ENDOV: variants seen among roughly 807,000 people sequenced by gnomAD.
The protein encoded by ENDOV is hEndoV.
In ENDOV, 37 loss-of-function variants were observed where a neutral mutation model predicts 39.4. The ratio of observed to expected loss-of-function variants is 0.94; its 90% CI spans 0.72 to 1.23. The LOEUF (loss-of-function observed/expected upper bound fraction) is 1.23, where lower values mean the gene tolerates loss of function less well. Ranked by LOEUF, ENDOV falls within the 50% of genes most tolerant of loss-of-function variation. ENDOV has a pLI of 0.00. For synonymous variants in ENDOV, 186 were observed against 163.4 expected (o/e 1.14, Z -1.05); for missense variants, 441 against 375.7 (o/e 1.17, Z -1.44).
Position 80,437,752 on chromosome 17 carries a change from A to G in ENDOV, c.*1609A>G, listed in dbSNP as rs952279518. The stretch of plus-strand genomic sequence containing the variant: ...CGGCCCCGCGTCTGTTGCCTGAGTC[A>G]CTGTATTCCTTAAAAGGTGAAGGAC... On this transcript the variant is annotated 3_prime_UTR_variant, in exon 10 of 10. Coordinates refer to ENST00000518137, the MANE Select transcript of ENDOV (RefSeq NM_173627.5). 2 of 152,198 alleles carry G rather than the reference A, an allele frequency of 1.3e-5. No homozygotes were observed. The highest frequency in any genetic ancestry group is 4.8e-5 in the African/African-American group (2 of 41,428). 9.4% of individuals were successfully genotyped at this position (152,198 alleles called of 1,614,324 possible).
chr17:80,433,132 G>A lies in ENDOV; in HGVS notation c.839-3001G>A, dbSNP rs747888616. The A allele has an allele frequency of 7.5e-5, 39 of 520,128 alleles. 1 individual carries two copies. The highest frequency in any genetic ancestry group is 6.0e-4 in the East Asian group (11 of 18,364). 32.2% of individuals were successfully genotyped at this position (520,128 alleles called of 1,614,324 possible). A position where few individuals can be genotyped will look rare whatever the true frequency, so the allele number is the denominator to read the frequency against. On this transcript the variant is annotated intron_variant, in intron 9 of 9. Coordinates refer to ENST00000518137, the MANE Select transcript of ENDOV (RefSeq NM_173627.5). ...AGAGCTCCGGGAGCACAGGTGGCAG[G>A]GAATTAGAGGCATTAGAAGCACAGT...
At chr17:80,424,134 G>C (rs1175584047) in intron 5 of ENDOV, 2 of 398,712 alleles carry the variant, frequency 5.0e-6, no homozygotes, top group African/African-American at 4.1e-5. Context: ...GTTGGCACTG[G>C]GAGTGAGACA....
Position 80,415,298 on chromosome 17 carries a change from G to A in ENDOV, c.56+48G>A, listed in dbSNP as rs749632578. 78 of 1,599,374 alleles carry A rather than the reference G, an allele frequency of 4.9e-5. No individual in the cohort carries two copies. In the Middle Eastern group the frequency reaches 4.4e-3, roughly 91 times the overall value. On this transcript the variant is annotated intron_variant, in intron 1 of 9. Transcript: ENST00000518137. ...AGGAGGCGGGGGCCGAGGCCGGGCG[G>A]CCCTTCGCGGACCCTCCGAGCTCAT...
Position 80,436,680 on chromosome 17 carries a change from T to C in ENDOV, c.*537T>C, listed in dbSNP as rs2083605825. On this transcript the variant is annotated 3_prime_UTR_variant, in exon 10 of 10. Coordinates refer to ENST00000518137, the MANE Select transcript of ENDOV (RefSeq NM_173627.5). ...TGATTTGCTTGTATTTTGGTGCGGA[T>C]TTTTACATCTGTATTTATAAGGGAT... 5.2e-6 allele frequency: 1 copy of C among 191,688 alleles called. No homozygotes were observed. The highest frequency in any genetic ancestry group is 1.1e-5 in the Non-Finnish European group (1 of 93,480). The allele number at this position is 191,688 out of a possible 1,614,324, so 11.9% of individuals were successfully genotyped here. A position where few individuals can be genotyped will look rare whatever the true frequency, so the allele number is the denominator to read the frequency against.
chr17:80,434,967 T>A (rs997970620), intron 9 of ENDOV, among the ~76,000 whole-genome samples: 1 of 152,188 alleles, frequency 6.6e-6, no homozygotes, highest in Non-Finnish European at 1.5e-5. Flanking sequence ...TATTTCATTG[T>A]GCATTTGATT....
At chr17:80,415,388 G>T in intron 1 of ENDOV, 138 bp downstream of exon 1, 1 of 1,163,038 alleles carries the variant, frequency 8.6e-7, no homozygotes, top group Non-Finnish European at 1.2e-6. Context: ...CCAGTTTCCG[G>T]CGCGGAAGCG....
intron 9 of ENDOV, among the ~76,000 whole-genome samples, chr17:80,432,349 G>T (rs2083381319): frequency 6.6e-6 from 1 of 152,108 alleles, no homozygotes; most frequent in Admixed American, 6.5e-5. Context: ...TGCCCACCTA[G>T]CATCTTTGGC....
In ENDOV at chr17:80,436,407, G is replaced by C. The variant is rs1367801186; in HGVS notation, c.*264G>C. ...CCACTAGATGTGATGTGAGCTGTTAGATTTTCAAGGATGCTCTTCATCCAG... is the reference window on the plus strand; with the variant it reads ...CCACTAGATGTGATGTGAGCTGTTACATTTTCAAGGATGCTCTTCATCCAG... On this transcript the variant is annotated 3_prime_UTR_variant, in exon 10 of 10. Coordinates refer to ENST00000518137, the MANE Select transcript of ENDOV (RefSeq NM_173627.5). The C allele has an allele frequency of 2.2e-6, 3 of 1,368,690 alleles. No homozygotes were observed. In the African/African-American group the frequency reaches 4.3e-5, roughly 20 times the overall value. The allele number at this position is 1,368,690 out of a possible 1,614,324, so 84.8% of individuals were successfully genotyped here.
intron 7 of ENDOV, among the ~76,000 whole-genome samples, chr17:80,425,882 G>C (rs1037868693): frequency 4.6e-5 from 7 of 152,162 alleles, no homozygotes; most frequent in Non-Finnish European, 7.4e-5. Context: ...CAGCCTCTCT[G>C]AGCCTCCTGC....
At chr17:80,429,876 G>A in intron 9 of ENDOV, 45 bp downstream of exon 9, 1 of 1,612,600 alleles carries the variant, frequency 6.2e-7, no homozygotes, top group Non-Finnish European at 8.5e-7. Flanking sequence ...CCCCAGGACA[G>A]CCCCAAGGCC....
At position 80,423,239 on chromosome 17, in the gene ENDOV, C is replaced by T. The variant is rs141652399; in HGVS notation, c.404-281C>T. Among the ~76,000 whole-genome samples, 1,452 of 152,338 alleles carry T rather than the reference C, an allele frequency of 9.5e-3. 13 individuals are homozygous for T. The highest frequency in any genetic ancestry group is 0.016 in the Non-Finnish European group (1,121 of 68,018). On this transcript the variant is annotated intron_variant, in intron 4 of 9. Coordinates refer to ENST00000518137, the MANE Select transcript of ENDOV (RefSeq NM_173627.5). ...GAAGCTGGGAGGTGCAGGAAATGAC[C>T]GGAGAGCTGCAGTATCCCAGCACGC...
chr17:80,432,494 C>T (rs1031959304), intron 9 of ENDOV, among the ~76,000 whole-genome samples: 5 of 152,086 alleles, frequency 3.3e-5, no homozygotes, highest in East Asian at 1.9e-4. Flanking sequence ...TGGGCTCTCC[C>T]GGCAGTAACA....
At chr17:80,429,270 G>A (rs1386600003) in intron 8 of ENDOV, among the ~76,000 whole-genome samples, 1 of 152,200 alleles carries the variant, frequency 6.6e-6, no homozygotes, top group Non-Finnish European at 1.5e-5. Context: ...TGAGGAGGCT[G>A]GGACACTGAG....
At chr17:80,417,406 G>A (rs1332963783) in intron 2 of ENDOV, 1 of 152,278 alleles carries the variant, frequency 6.6e-6, no homozygotes, top group African/African-American at 2.4e-5. Flanking sequence ...TTGTCCCTCA[G>A]CACCATGTCT....
intron 9 of ENDOV, 127 bp downstream of exon 9, chr17:80,429,958 C>A (rs776503903): frequency 6.4e-7 from 1 of 1,562,086 alleles, no homozygotes; most frequent in South Asian, 1.2e-5. Context: ...AAGAAGGCCA[C>A]CGGCCACCCC....
intron 9 of ENDOV, among the ~76,000 whole-genome samples, chr17:80,431,655 A>C (rs1430423293): frequency 1.3e-5 from 2 of 152,146 alleles, no homozygotes; most frequent in African/African-American, 4.8e-5. Context: ...GTGGCCCCGG[A>C]CTGGCCTCAC....
chr17:80,422,008 C>A, intron 3 of ENDOV, 46 bp downstream of exon 3: 1 of 1,597,272 alleles, frequency 6.3e-7, no homozygotes, highest in East Asian at 2.2e-5. Context: ...CTCCTTCCCC[C>A]TGGGGGAGGG....
In ENDOV at chr17:80,425,075, G is replaced by A; in HGVS notation, c.560G>A (p.Gly187Glu). ...QTRGDSFPLL[G>E]DSGTVLGMAL... is the part of the protein sequence containing the mutation. ...CGAGGAGACTCATTCCCTCTGCTGGGAGACTCTGGGACTGTCCTGGGAATG... is the reference window on the plus strand; with the variant it reads ...CGAGGAGACTCATTCCCTCTGCTGGAAGACTCTGGGACTGTCCTGGGAATG... Residue 187 changes from glycine (G) to glutamate (E), a missense_variant, in exon 6 of 10, where the codon GGA becomes GAA. Coordinates refer to ENST00000518137, the MANE Select transcript of ENDOV (RefSeq NM_173627.5). The A allele has an allele frequency of 6.2e-7, 1 of 1,611,310 alleles. No individual in the cohort carries two copies. The highest frequency in any genetic ancestry group is 8.5e-7 in the Non-Finnish European group (1 of 1,178,810).
At chr17:80,427,988 G>C in intron 7 of ENDOV, 1 of 929,526 alleles carries the variant, frequency 1.1e-6, no homozygotes, top group South Asian at 1.7e-5. Flanking sequence ...GCTGGGATCA[G>C]GGGGACTTCC....
Sources: gnomAD v4.1 joint callset for allele counts (sites outside exome capture counted in the v4.1 genomes callset) on GRCh38, gnomAD v4.1.1 for gene constraint, MANE v1.5 for transcripts, NCBI Gene and HGNC (gene_info 2026-07-23, HGNC 2026-07-21) for gene names.